The following SLC15A5 variants were observed in gnomAD, a reference collection of about 807,000 sequenced individuals.
The protein encoded by SLC15A5 is Peptide/histidine transporter ENSP00000340402.
SLC15A5 carries 58 observed loss-of-function variants against 56.1 expected under a neutral mutation model. That is an observed-to-expected ratio of 1.03 (90% CI 0.84 to 1.29). The LOEUF (loss-of-function observed/expected upper bound fraction) is 1.29. Among genes scored for constraint, SLC15A5 ranks in the 50% most tolerant of loss-of-function variants. SLC15A5 has a pLI of 0.00. For synonymous variants in SLC15A5, 264 were observed against 250.5 expected (o/e 1.05, Z -0.51); for missense variants, 681 against 672.1 (o/e 1.01, Z -0.15).
At chr12:16,229,837 G>C (rs1864278781) in intron 5 of SLC15A5, among the ~76,000 whole-genome samples, 1 of 152,154 alleles carries the variant, frequency 6.6e-6, no homozygotes, top group African/African-American at 2.4e-5. Context: ...AGAAAGCAAG[G>C]GGTTGAACAA....
At chr12:16,193,817 GA>G (rs1863864576) in intron 8 of SLC15A5, among the ~76,000 whole-genome samples, 2 of 137,228 alleles carry the variant, frequency 1.5e-5, no homozygotes, top group African/African-American at 5.8e-5. Context: ...GAGAGAGAGA[GA>G]GAGAGAGAGA....
chr12:16,197,301 G>A (rs746603614), intron 7 of SLC15A5, among the ~76,000 whole-genome samples: 4 of 152,050 alleles, frequency 2.6e-5, no homozygotes, highest in Non-Finnish European at 4.4e-5. Context: ...AGCATCGCCT[G>A]AATTGATAGC....
rs1864204776 is a variant in SLC15A5, at chr12:16,223,152, TTTA to T, written c.1351+1259_1351+1261del. 2.8e-5 allele frequency among the ~76,000 whole-genome samples: 3 copies of T among 105,488 alleles called. No homozygotes were observed. The South Asian group carries it at 1.4e-3, about 51-fold the overall frequency. The allele number at this position is 105,488 out of a possible 152,430, so 69.2% of individuals were successfully genotyped here. A position where few individuals can be genotyped will look rare whatever the true frequency, so the allele number is the denominator to read the frequency against. On this transcript the variant is annotated intron_variant, in intron 6 of 8. Coordinates refer to ENST00000344941, the MANE Select transcript of SLC15A5 (RefSeq NM_001170798.1). ...TGTATAAATACATATTTATTAAATA[TTTA>T]TTTTAAGGAGTTTGGAAACAACTTT...
chr12:16,238,892 T>C (rs759847479), intron 5 of SLC15A5, among the ~76,000 whole-genome samples: 3 of 152,222 alleles, frequency 2.0e-5, no homozygotes, highest in Non-Finnish European at 4.4e-5. Context: ...GACTACGTTC[T>C]GGGCACTGAT....
intron 3 of SLC15A5, among the ~76,000 whole-genome samples, chr12:16,255,197 G>GA (rs373220066): frequency 0.014 from 2,155 of 151,672 alleles, 55 homozygotes; most frequent in African/African-American, 0.048. Flanking sequence ...TATACACTCA[G>GA]AAAAAAATGA....
At chr12:16,195,983 A>G (rs576915781) in intron 7 of SLC15A5, among the ~76,000 whole-genome samples, 2 of 152,204 alleles carry the variant, frequency 1.3e-5, no homozygotes, top group African/African-American at 4.8e-5. Flanking sequence ...ATAAAACGGT[A>G]AAGTGCAACT....
intron 3 of SLC15A5, among the ~76,000 whole-genome samples, chr12:16,250,890 A>G (rs572088141): frequency 1.3e-5 from 2 of 152,018 alleles, no homozygotes; most frequent in Admixed American, 6.6e-5. Context: ...TATTACAAAC[A>G]TAAGCCCCAA....
chr12:16,247,639 A>G (rs1168287143), intron 3 of SLC15A5, among the ~76,000 whole-genome samples: 1 of 152,090 alleles, frequency 6.6e-6, no homozygotes, highest in East Asian at 1.9e-4. Flanking sequence ...GACGTAGGAA[A>G]CATATGCCAG....
chr12:16,210,307 A>G (rs1244418540), intron 7 of SLC15A5, among the ~76,000 whole-genome samples: 1 of 151,950 alleles, frequency 6.6e-6, no homozygotes, highest in East Asian at 1.9e-4. Flanking sequence ...TTCATTAATT[A>G]CATGGGTCCG....
chr12:16,223,007 G>T lies in SLC15A5; in HGVS notation c.1351+1407C>A, dbSNP rs554820662. Among the ~76,000 whole-genome samples, 58 of 151,948 alleles carry T rather than the reference G, an allele frequency of 3.8e-4. No homozygotes were observed. The South Asian group carries it at 0.011, about 30-fold the overall frequency. The stretch of plus-strand genomic sequence containing the variant: ...GTAATTTATGTATGCAAAATATATG[G>T]GATGAAATGATATACAATTATAAAA... On this transcript the variant is annotated intron_variant, in intron 6 of 8. Coordinates refer to ENST00000344941, the MANE Select transcript of SLC15A5 (RefSeq NM_001170798.1).
At position 16,239,543 on chromosome 12, in the gene SLC15A5, T is replaced by C. The variant is rs1420763038; in HGVS notation, c.1162+138A>G. On this transcript the variant is annotated intron_variant, in intron 5 of 8. Transcript: ENST00000344941. ...TAGAGATTTCGGAAGATGGGTGTTATCAGTCACAAATTCACCTGTTTTCCA... is the reference window on the plus strand; with the variant it reads ...TAGAGATTTCGGAAGATGGGTGTTACCAGTCACAAATTCACCTGTTTTCCA... 5.0e-6 allele frequency: 4 copies of C among 801,860 alleles called. No individual in the cohort carries two copies. In the Admixed American group the frequency reaches 8.9e-5, roughly 18 times the overall value. 49.7% of individuals were successfully genotyped at this position (801,860 alleles called of 1,614,324 possible). A position where few individuals can be genotyped will look rare whatever the true frequency, so the allele number is the denominator to read the frequency against.
chr12:16,264,366 C>A (rs1428709363), intron 2 of SLC15A5, among the ~76,000 whole-genome samples: 2 of 152,192 alleles, frequency 1.3e-5, no homozygotes, highest in Non-Finnish European at 2.9e-5. Flanking sequence ...GCTGTATTTA[C>A]CCAATACCTG....
intron 4 of SLC15A5, among the ~76,000 whole-genome samples, chr12:16,242,098 T>C (rs550353500): frequency 6.6e-6 from 1 of 152,196 alleles, no homozygotes; most frequent in South Asian, 2.1e-4. Flanking sequence ...AGCCGTAATA[T>C]CAACATATTT....
In SLC15A5 at chr12:16,189,372, T is replaced by C. The variant is rs1863818131; in HGVS notation, c.*296A>G. Reference sequence around the variant, plus strand: ...CATACGCTTTCAATGGCTGAACCATTGTAGAAAGCTGTAAGGTATTATTGG... The same window carrying C: ...CATACGCTTTCAATGGCTGAACCATCGTAGAAAGCTGTAAGGTATTATTGG... On this transcript the variant is annotated 3_prime_UTR_variant, in exon 9 of 9. Coordinates refer to ENST00000344941, the MANE Select transcript of SLC15A5 (RefSeq NM_001170798.1). 5.2e-6 allele frequency: 1 copy of C among 192,732 alleles called. No homozygotes were observed. Among genetic ancestry groups the C allele is most frequent in the Middle Eastern group, 2.0e-3 (1 of 490 alleles). The allele number at this position is 192,732 out of a possible 1,614,324, so 11.9% of individuals were successfully genotyped here.
intron 2 of SLC15A5, among the ~76,000 whole-genome samples, chr12:16,262,819 A>T (rs984197895): frequency 3.3e-5 from 5 of 152,060 alleles, no homozygotes; most frequent in African/African-American, 9.7e-5. Context: ...TAAAAATGGG[A>T]GTTTCTCTGC....
At chr12:16,247,552 C>T (rs1265203276) in intron 3 of SLC15A5, among the ~76,000 whole-genome samples, 1 of 152,032 alleles carries the variant, frequency 6.6e-6, no homozygotes, top group African/African-American at 2.4e-5. Flanking sequence ...ATGATAGAGA[C>T]CCATTGTGGG....
chr12:16,223,112 T>C (rs1044712339), intron 6 of SLC15A5, among the ~76,000 whole-genome samples: 4 of 152,124 alleles, frequency 2.6e-5, no homozygotes, highest in African/African-American at 4.8e-5. Context: ...TGCCTTGGTA[T>C]CATAAGTATG....
intron 7 of SLC15A5, among the ~76,000 whole-genome samples, chr12:16,204,617 A>G (rs969037774): frequency 2.0e-5 from 3 of 152,020 alleles, no homozygotes; most frequent in Non-Finnish European, 4.4e-5. Context: ...TACTAAGCTA[A>G]AATAAAGAGG....
In SLC15A5 at chr12:16,237,739, T is replaced by C. The variant is rs74065823; in HGVS notation, c.1162+1942A>G. 1.2e-3 allele frequency among the ~76,000 whole-genome samples: 176 copies of C among 152,288 alleles called. 1 individual carries two copies. Among genetic ancestry groups the C allele is most frequent in the African/African-American group, 3.9e-3 (164 of 41,574 alleles). ...AGGGTACCCAAAATTTTAAAATTTG[T>C]GGTAATTAAGCATGATTTGGAAGCT... is the stretch of plus-strand genomic sequence containing the variant. On this transcript the variant is annotated intron_variant, in intron 5 of 8. Transcript: ENST00000344941. This position sits in a 1 kb window ranked among gnomAD's most constrained non-coding sequence, Gnocchi z 4.1.
Sources: allele counts gnomAD v4.1 joint callset (sites outside exome capture counted in the v4.1 genomes callset), GRCh38; gene constraint gnomAD v4.1.1; non-coding constraint Gnocchi (gnomAD v3.1); transcripts MANE v1.5; gene names NCBI Gene and HGNC (gene_info 2026-07-23, HGNC 2026-07-21).